The following PTPRD variants were observed in gnomAD, a reference collection of about 807,000 sequenced individuals.
PTPRD encodes the protein receptor-type tyrosine-protein phosphatase delta.
In PTPRD, 34 loss-of-function variants were observed where a neutral mutation model predicts 214.5. That is an observed-to-expected ratio of 0.16 (90% confidence interval 0.12 to 0.21). PTPRD has a LOEUF of 0.21. PTPRD is among the 10% of genes least tolerant of loss of function. The pLI is 1.00. For missense variants in PTPRD, 2,545 were observed against 2,398.7 expected (o/e 1.06, Z -1.27); for synonymous variants, 1,128 against 845.7 (o/e 1.33, Z -5.79).
At chr9:9,556,611 A>C (rs1212965631) in intron 8 of PTPRD, among the ~76,000 whole-genome samples, 1 of 152,124 alleles carries the variant, frequency 6.6e-6, no homozygotes, top group East Asian at 1.9e-4. Flanking sequence ...AATTTTCAGT[A>C]AGTTATTGTT....
intron 2 of PTPRD, among the ~76,000 whole-genome samples, chr9:10,343,978 G>GGTT (rs2097001959): frequency 3.2e-5 from 1 of 31,670 alleles, no homozygotes; most frequent in African/African-American, 1.3e-4. Flanking sequence ...TCTGATGGTA[G>GGTT]TTTTTTTTTT....
chr9:8,937,473 A>T (rs1365661867), intron 11 of PTPRD, among the ~76,000 whole-genome samples: 1 of 152,132 alleles, frequency 6.6e-6, no homozygotes, highest in African/African-American at 2.4e-5. Flanking sequence ...CACTTGGATG[A>T]CTGTCATAAA....
chr9:8,673,128 AT>A lies in PTPRD; in HGVS notation c.65-36285del, dbSNP rs59423516. Among the ~76,000 whole-genome samples, 639 of 147,924 alleles carry A rather than the reference AT, an allele frequency of 4.3e-3. 5 individuals are homozygous for A. Among genetic ancestry groups the A allele is most frequent in the East Asian group, 0.016 (81 of 5,074 alleles). ...ATTTCAAGCTAATTTGTATTAGCTGATTTTTTTTTTTCTCTGAGAATATCAG... is the reference window on the plus strand; with the variant it reads ...ATTTCAAGCTAATTTGTATTAGCTGATTTTTTTTTTCTCTGAGAATATCAG... On this transcript the variant is annotated intron_variant, in intron 12 of 45. Coordinates refer to ENST00000381196, the MANE Select transcript of PTPRD (RefSeq NM_002839.4).
chr9:10,556,139 A>C (rs1429926925), intron 2 of PTPRD, among the ~76,000 whole-genome samples: 1 of 152,114 alleles, frequency 6.6e-6, no homozygotes, highest in Non-Finnish European at 1.5e-5. Context: ...TTTGCAACCA[A>C]AGATGTTTAC....
intron 9 of PTPRD, among the ~76,000 whole-genome samples, chr9:9,228,238 A>C (rs2099960801): frequency 6.6e-6 from 1 of 152,156 alleles, no homozygotes; most frequent in Non-Finnish European, 1.5e-5. Context: ...GAATATTCAT[A>C]AGAATTGAAT....
intron 6 of PTPRD, among the ~76,000 whole-genome samples, chr9:9,741,509 G>C (rs2098401910): frequency 6.6e-6 from 1 of 151,942 alleles, no homozygotes; most frequent in Non-Finnish European, 1.5e-5. Flanking sequence ...AGAACTGGCA[G>C]GTTTGTTACA....
intron 2 of PTPRD, among the ~76,000 whole-genome samples, chr9:10,438,571 T>A (rs923895330): frequency 8.6e-5 from 13 of 151,748 alleles, no homozygotes; most frequent in African/African-American, 3.1e-4. Context: ...CTGGTTGATT[T>A]CACATTCCAT....
chr9:10,200,038 T>G (rs897560478), intron 3 of PTPRD, among the ~76,000 whole-genome samples: 7 of 152,104 alleles, frequency 4.6e-5, no homozygotes, highest in African/African-American at 1.7e-4. Flanking sequence ...TTACTGTTTT[T>G]CTTCTATACA....
At chr9:8,778,947 G>A (rs1377739157) in intron 11 of PTPRD, among the ~76,000 whole-genome samples, 1 of 152,014 alleles carries the variant, frequency 6.6e-6, no homozygotes, top group Non-Finnish European at 1.5e-5. Flanking sequence ...CTTTTCAAGA[G>A]CAGTGTTAAA....
chr9:8,563,835 T>C (rs945131498), intron 14 of PTPRD, among the ~76,000 whole-genome samples: 1 of 152,136 alleles, frequency 6.6e-6, no homozygotes, highest in Non-Finnish European at 1.5e-5. Context: ...TTCTAAGTTT[T>C]TGTATTTTTA....
At chr9:8,395,444 C>T (rs1589413914) in intron 36 of PTPRD, among the ~76,000 whole-genome samples, 1 of 151,492 alleles carries the variant, frequency 6.6e-6, no homozygotes, top group East Asian at 1.9e-4. Flanking sequence ...AGGACACAGG[C>T]CTTTCCCCCG....
chr9:9,379,991 C>G (rs550790037), intron 9 of PTPRD, among the ~76,000 whole-genome samples: 1 of 151,648 alleles, frequency 6.6e-6, no homozygotes, highest in African/African-American at 2.4e-5. Context: ...TCATTTTTTT[C>G]TTTTCCCTTC....
At chr9:9,306,392 C>T (rs1008916076) in intron 9 of PTPRD, among the ~76,000 whole-genome samples, 1 of 150,910 alleles carries the variant, frequency 6.6e-6, no homozygotes, top group Admixed American at 6.6e-5. Flanking sequence ...AGTGAAATCC[C>T]GTCTCTACTA....
chr9:8,344,436 C>A (rs1855570948), intron 39 of PTPRD, among the ~76,000 whole-genome samples: 1 of 147,274 alleles, frequency 6.8e-6, no homozygotes, highest in Non-Finnish European at 1.5e-5. Context: ...ACAGTATCAA[C>A]CTTTTCATAA....
intron 11 of PTPRD, among the ~76,000 whole-genome samples, chr9:8,970,145 T>G (rs1344816285): frequency 6.6e-6 from 1 of 151,942 alleles, no homozygotes; most frequent in Non-Finnish European, 1.5e-5. Context: ...CGTTTATTAT[T>G]TTTGTCTAGA....
intron 4 of PTPRD, among the ~76,000 whole-genome samples, chr9:9,961,082 A>G (rs1358904968): frequency 1.7e-4 from 15 of 87,192 alleles, no homozygotes; most frequent in Non-Finnish European, 2.4e-4. Flanking sequence ...ACTGGACACC[A>G]TATCTCCTTT....
At chr9:8,719,366 A>T (rs906635) in intron 12 of PTPRD, among the ~76,000 whole-genome samples, 92,170 of 152,090 alleles carry the variant, frequency 0.61, 29,213 homozygotes, top group African/African-American at 0.8. Context: ...CTCCTTGAAC[A>T]TATTTCTTCT....
At chr9:10,441,535 G>C (rs1020192613) in intron 2 of PTPRD, among the ~76,000 whole-genome samples, 5 of 150,034 alleles carry the variant, frequency 3.3e-5, no homozygotes, top group African/African-American at 1.2e-4. Flanking sequence ...CTTTCCAATT[G>C]CTTCCAATAA....
At chr9:9,595,051 A>T (rs2093155217) in intron 7 of PTPRD, among the ~76,000 whole-genome samples, 2 of 151,892 alleles carry the variant, frequency 1.3e-5, no homozygotes, top group African/African-American at 2.4e-5. Context: ...ACCTTACTCC[A>T]GCAAGAATGG....
Sources: allele counts gnomAD v4.1 joint callset (sites outside exome capture counted in the v4.1 genomes callset), GRCh38; gene constraint gnomAD v4.1.1; transcripts MANE v1.5; gene names NCBI Gene and HGNC (gene_info 2026-07-23, HGNC 2026-07-21).